PTK7: variants seen among roughly 807,000 people sequenced by gnomAD.
PTK7 encodes inactive tyrosine-protein kinase 7.
In PTK7, 39 loss-of-function variants were observed where a neutral mutation model predicts 116.6. The ratio of observed to expected loss-of-function variants is 0.33; its 90% confidence interval spans 0.26 to 0.44. The LOEUF is 0.44. PTK7 is among the 20% of genes least tolerant of loss of function. PTK7 has a pLI of 1.00. For missense variants in PTK7, 1,169 were observed against 1,425.6 expected (o/e 0.82, Z 2.90); for synonymous variants, 546 against 563.6 (o/e 0.97, Z 0.44).
intron 1 of PTK7, among the ~76,000 whole-genome samples, chr6:43,112,875 C>T (rs988325933): frequency 3.3e-5 from 5 of 152,194 alleles, no homozygotes; most frequent in Non-Finnish European, 7.3e-5. Flanking sequence ...GTCACCCAGG[C>T]TGCAGTGCAG....
intron 1 of PTK7, among the ~76,000 whole-genome samples, chr6:43,118,455 G>C (rs1254048724): frequency 6.6e-6 from 1 of 151,512 alleles, no homozygotes; most frequent in African/African-American, 2.4e-5. Flanking sequence ...AGAATTGCTT[G>C]AACTCAGGAG....
At chr6:43,140,857 A>G (rs1445763771) in intron 10 of PTK7, among the ~76,000 whole-genome samples, 1 of 152,038 alleles carries the variant, frequency 6.6e-6, no homozygotes, top group Admixed American at 6.5e-5. Context: ...TTTTTTTGTA[A>G]CGGTGTAATT....
In PTK7 at chr6:43,159,805, G is replaced by A. The variant is rs146766128; in HGVS notation, c.2891G>A (p.Arg964His). 130 of 1,614,090 alleles carry A rather than the reference G, an allele frequency of 8.1e-5. No homozygotes were observed. The highest frequency in any genetic ancestry group is 9.8e-5 in the Non-Finnish European group (116 of 1,180,036). The change falls in exon 19 of 20, where the codon CGC (arginine) becomes CAC (histidine). Residue 964 changes from arginine (R) to histidine (H), a missense_variant. Physicochemically the swap from Arg to His is conservative, Grantham distance 29 (BLOSUM62 0). Coordinates refer to ENST00000230419, the MANE Select transcript of PTK7 (RefSeq NM_002821.5). ...DVYNSEYYHF[R>H]QAWVPLRWMS... ...TCCTGCAGTGAGTACTACCACTTCC[G>A]CCAGGCCTGGGTGCCGCTGCGCTGG...
intron 1 of PTK7, among the ~76,000 whole-genome samples, chr6:43,086,465 G>C (rs1766663083): frequency 6.6e-6 from 1 of 151,890 alleles, no homozygotes; most frequent in South Asian, 2.1e-4. Context: ...GGCAATGAGG[G>C]GAACGCTTGT....
chr6:43,122,727 C>T (rs753403265), intron 1 of PTK7, among the ~76,000 whole-genome samples: 6 of 151,908 alleles, frequency 3.9e-5, no homozygotes, highest in Admixed American at 1.3e-4. Flanking sequence ...CTGTCTCGGC[C>T]GCCCAAGTAG....
intron 1 of PTK7, among the ~76,000 whole-genome samples, chr6:43,124,138 T>C (rs1172492459): frequency 6.6e-6 from 1 of 151,948 alleles, no homozygotes; most frequent in South Asian, 2.1e-4. Context: ...CCAGGACCTT[T>C]CCCAGACCAC....
intron 17 of PTK7, among the ~76,000 whole-genome samples, chr6:43,155,283 G>T (rs867662897): frequency 3.3e-5 from 5 of 151,934 alleles, no homozygotes; most frequent in Admixed American, 3.3e-4. Context: ...CCACCCTCTT[G>T]AGTAGCTGGG....
Position 43,141,744 on chromosome 6 carries a change from T to G in PTK7, c.1695T>G (p.Ala565=). The part of the protein sequence containing the change: ...LHFARVTRDD[A]GNYTCIASNG... ...TTGCCCGGGTGACTCGAGATGACGCTGGCAACTACACTTGCATTGCCTCCA... is the reference window on the plus strand; with the variant it reads ...TTGCCCGGGTGACTCGAGATGACGCGGGCAACTACACTTGCATTGCCTCCA... The change falls in exon 11 of 20, where the codon GCT becomes GCG. Residue 565 remains alanine, a synonymous_variant. Coordinates refer to ENST00000230419, the MANE Select transcript of PTK7 (RefSeq NM_002821.5). This position sits in a 1 kb window ranked among gnomAD's most constrained non-coding sequence, Gnocchi z 4.9. 6.2e-7 allele frequency: 1 copy of G among 1,614,072 alleles called. No homozygotes were observed. The highest frequency in any genetic ancestry group is 8.5e-7 in the Non-Finnish European group (1 of 1,180,020).
chr6:43,134,507 C>T (rs1436005987), intron 7 of PTK7, among the ~76,000 whole-genome samples: 2 of 152,010 alleles, frequency 1.3e-5, no homozygotes, highest in East Asian at 1.9e-4. Flanking sequence ...GTTAGCTGGG[C>T]GCGGTGGCTC....
At chr6:43,142,459 C>T (rs1561977340) in intron 13 of PTK7, 160 bp downstream of exon 13, 1 of 1,144,462 alleles carries the variant, frequency 8.7e-7, no homozygotes, top group Non-Finnish European at 1.3e-6. Context: ...TCTTAGAGTC[C>T]TTGCTCAGAG....
At chr6:43,088,218 A>T (rs575954769) in intron 1 of PTK7, among the ~76,000 whole-genome samples, 90 of 152,174 alleles carry the variant, frequency 5.9e-4, no homozygotes, top group African/African-American at 2.1e-3. Context: ...AGGTGGGAGG[A>T]TCACTTGAAC....
intron 17 of PTK7, among the ~76,000 whole-genome samples, chr6:43,149,059 CAAAAAA>C (rs59033917): frequency 1.4e-5 from 1 of 69,834 alleles, no homozygotes; most frequent in South Asian, 4.6e-4. Context: ...GACTTTGTCT[CAAAAAA>C]AAAAAAAAAA....
intron 17 of PTK7, among the ~76,000 whole-genome samples, chr6:43,152,382 T>A (rs1183462023): frequency 1.3e-5 from 2 of 152,136 alleles, no homozygotes; most frequent in African/African-American, 4.8e-5. Context: ...ATACAAAAAT[T>A]AGCCGGGCGT....
chr6:43,152,752 ATGTTATGTTATG>A (rs1294822794), intron 17 of PTK7, among the ~76,000 whole-genome samples: 2 of 129,664 alleles, frequency 1.5e-5, no homozygotes, highest in African/African-American at 6.2e-5. Flanking sequence ...ATGTTATGTT[ATGTTATGTTATG>A]TTATGTTATG....
At position 43,141,300 on chromosome 6, in the gene PTK7, A is replaced by T. The variant is rs769468482; in HGVS notation, c.1619-368A>T. On this transcript the variant is annotated intron_variant, in intron 10 of 19. Transcript: ENST00000230419. The surrounding 1 kb of genome is among the most constrained non-coding windows in gnomAD (Gnocchi z 4.9). ...GGCTCCCTCTGCTCAGGTCTGGGGGAACTTTCTGGGAGAGGTGAGGCTTAA... is the reference window on the plus strand; with the variant it reads ...GGCTCCCTCTGCTCAGGTCTGGGGGTACTTTCTGGGAGAGGTGAGGCTTAA... Among the ~76,000 whole-genome samples, 1 of 151,902 alleles carries T rather than the reference A, an allele frequency of 6.6e-6. No individual in the cohort carries two copies. The highest frequency in any genetic ancestry group is 6.6e-5 in the Admixed American group (1 of 15,236).
At chr6:43,110,212 G>A (rs113173487) in intron 1 of PTK7, among the ~76,000 whole-genome samples, 2 of 151,418 alleles carry the variant, frequency 1.3e-5, no homozygotes, top group Non-Finnish European at 1.5e-5. Flanking sequence ...GGCTGGTCTC[G>A]AACTCTTGAC....
At chr6:43,114,601 T>A (rs1453724105) in intron 1 of PTK7, among the ~76,000 whole-genome samples, 2 of 152,102 alleles carry the variant, frequency 1.3e-5, no homozygotes, top group African/African-American at 4.8e-5. Context: ...GGAGTAGGCA[T>A]GAAATAAACT....
intron 7 of PTK7, chr6:43,138,504 T>TA (rs933891386): frequency 5.7e-6 from 1 of 175,400 alleles, no homozygotes; most frequent in Non-Finnish European, 1.2e-5. Flanking sequence ...CTACAGAAAA[T>TA]AAAAAAATTA....
chr6:43,095,076 A>T (rs1288278994), intron 1 of PTK7, among the ~76,000 whole-genome samples: 1 of 148,644 alleles, frequency 6.7e-6, no homozygotes, highest in African/African-American at 2.5e-5. Flanking sequence ...AATAAATAAA[A>T]AGGCCGGGCG....
Sources: allele counts gnomAD v4.1 joint callset (sites outside exome capture counted in the v4.1 genomes callset), GRCh38; gene constraint gnomAD v4.1.1; non-coding constraint Gnocchi (gnomAD v3.1); transcripts MANE v1.5; gene names NCBI Gene and HGNC (gene_info 2026-07-23, HGNC 2026-07-21).